The following SORCS2 variants were observed in gnomAD, a reference collection of about 807,000 sequenced individuals.
SORCS2 encodes the protein sortilin related VPS10 domain containing receptor 2.
SORCS2 carries 100 observed loss-of-function variants against 141.6 expected under a neutral mutation model. The observed-to-expected ratio is 0.71, with a 90% confidence interval of 0.60 to 0.83. SORCS2 has a LOEUF of 0.83. Among genes scored for constraint, SORCS2 ranks in the 40% least tolerant of loss-of-function variants. SORCS2 has a pLI of 0.00. For synonymous variants in SORCS2, 789 were observed against 676.9 expected (o/e 1.17, Z -2.57); for missense variants, 1,646 against 1,560.2 (o/e 1.05, Z -0.93).
Position 7,331,238 on chromosome 4 carries a change from G to A in SORCS2, c.481-65050G>A, listed in dbSNP as rs562317868. Among the ~76,000 whole-genome samples the A allele has an allele frequency of 1.9e-3, 290 of 152,244 alleles. 1 individual carries two copies. The highest frequency in any genetic ancestry group is 6.8e-3 in the Middle Eastern group (2 of 294). ...TGGGCTGGAGACTGCTGTGGGGCTC[G>A]GCATGCACCTCACGTGACCTGGGCC... On this transcript the variant is annotated intron_variant, in intron 1 of 26. Coordinates refer to ENST00000507866, the MANE Select transcript of SORCS2 (RefSeq NM_020777.3).
intron 1 of SORCS2, among the ~76,000 whole-genome samples, chr4:7,379,827 C>T (rs1164990302): frequency 3.9e-5 from 6 of 152,210 alleles, no homozygotes; most frequent in East Asian, 1.9e-4. Flanking sequence ...CTAGAAAACA[C>T]GCTGAAGGCA....
At position 7,697,180 on chromosome 4, in the gene SORCS2, C is replaced by A. The variant is rs748964647; in HGVS notation, c.1592-18C>A. On this transcript the variant is annotated intron_variant, in intron 11 of 26. Coordinates refer to ENST00000507866, the MANE Select transcript of SORCS2 (RefSeq NM_020777.3). The stretch of plus-strand genomic sequence containing the variant: ...GGACGATCCTAAGGGTAGTACTGCC[C>A]CTTTTCTTTTGGACCAGGTAACCTG... The A allele has an allele frequency of 7.7e-6, 12 of 1,565,148 alleles. 1 individual carries two copies. Among genetic ancestry groups the A allele is most frequent in the Non-Finnish European group, 9.5e-6 (11 of 1,154,052 alleles).
chr4:7,300,243 A>C (rs1039897852), intron 1 of SORCS2, among the ~76,000 whole-genome samples: 2 of 151,324 alleles, frequency 1.3e-5, no homozygotes, highest in South Asian at 2.1e-4. Flanking sequence ...CAGGAGTGAG[A>C]GGTCTGGAGG....
At chr4:7,499,840 C>T (rs748229921) in intron 2 of SORCS2, among the ~76,000 whole-genome samples, 12 of 152,152 alleles carry the variant, frequency 7.9e-5, no homozygotes, top group South Asian at 2.1e-4. Context: ...GGGACCGAGC[C>T]GGCACAGGTG....
intron 1 of SORCS2, among the ~76,000 whole-genome samples, chr4:7,237,429 C>T (rs1712366001): frequency 6.6e-6 from 1 of 152,174 alleles, no homozygotes; most frequent in African/African-American, 2.4e-5. Context: ...ACAGTGGCTC[C>T]TCCCAAGGGG....
intron 2 of SORCS2, among the ~76,000 whole-genome samples, chr4:7,462,810 A>T (rs1729391412): frequency 6.7e-6 from 1 of 150,254 alleles, no homozygotes; most frequent in Non-Finnish European, 1.5e-5. Flanking sequence ...TGTTGTGAGC[A>T]CTCACTATCT....
intron 2 of SORCS2, among the ~76,000 whole-genome samples, chr4:7,402,274 C>A (rs1248809731): frequency 6.6e-6 from 1 of 152,214 alleles, no homozygotes; most frequent in Admixed American, 6.5e-5. Context: ...CCTCACCACC[C>A]ACCTGGAAGT....
At chr4:7,437,459 G>C (rs747095562) in intron 2 of SORCS2, among the ~76,000 whole-genome samples, 11 of 152,072 alleles carry the variant, frequency 7.2e-5, no homozygotes, top group Non-Finnish European at 1.5e-4. Flanking sequence ...TTTTTCCAGA[G>C]TTTAATCTCC....
At chr4:7,489,254 C>T (rs1731176693) in intron 2 of SORCS2, among the ~76,000 whole-genome samples, 2 of 152,196 alleles carry the variant, frequency 1.3e-5, no homozygotes, top group African/African-American at 2.4e-5. Flanking sequence ...GAGTCATGTT[C>T]TCTGGGCTCT....
chr4:7,694,193 A>G (rs1724448175), intron 11 of SORCS2, among the ~76,000 whole-genome samples: 1 of 151,946 alleles, frequency 6.6e-6, no homozygotes, highest in South Asian at 2.1e-4. Flanking sequence ...GACTCCTACC[A>G]CTCTGCTGGC....
intron 1 of SORCS2, among the ~76,000 whole-genome samples, chr4:7,333,544 T>C (rs1719795534): frequency 6.6e-6 from 1 of 152,028 alleles, no homozygotes; most frequent in African/African-American, 2.4e-5. Flanking sequence ...AGTTTCAAGA[T>C]CGGGAGACTG....
Position 7,678,451 on chromosome 4 carries a change from G to T in SORCS2, c.1341+2222G>T, listed in dbSNP as rs78557019. Among the ~76,000 whole-genome samples, 1,276 of 149,330 alleles carry T rather than the reference G, an allele frequency of 8.5e-3. 20 individuals carry two copies. Among genetic ancestry groups the T allele is most frequent in the African/African-American group, 0.03 (1,196 of 40,512 alleles). ...CAACTCTGGAGCCTGACTGCCCGGG[G>T]TTCAGGTCCATGAACTGGTATGTAT... On this transcript the variant is annotated intron_variant, in intron 9 of 26. Coordinates refer to ENST00000507866, the MANE Select transcript of SORCS2 (RefSeq NM_020777.3).
intron 1 of SORCS2, among the ~76,000 whole-genome samples, chr4:7,357,837 T>C (rs1721345904): frequency 6.6e-6 from 1 of 152,166 alleles, no homozygotes; most frequent in African/African-American, 2.4e-5. Context: ...GCCTTGTGTT[T>C]GGCGTGGGTG....
Position 7,193,153 on chromosome 4 carries a change from G to A in SORCS2, c.480+27G>A, listed in dbSNP as rs1726951537. 1 of 1,492,836 alleles carries A rather than the reference G, an allele frequency of 6.7e-7. No homozygotes were observed. Among genetic ancestry groups the A allele is most frequent in the Non-Finnish European group, 8.9e-7 (1 of 1,129,122 alleles). The allele number at this position is 1,492,836 out of a possible 1,614,324, so 92.5% of individuals were successfully genotyped here. ...TAAGTGACCTCCACGCGCTCGCCGC[G>A]GCCCCTACCCGGGACACCGCGGGAC... On this transcript the variant is annotated intron_variant, in intron 1 of 26. Transcript: ENST00000507866. The surrounding 1 kb of genome is among the most constrained non-coding windows in gnomAD (Gnocchi z 4.8).
chr4:7,434,509 C>T, intron 2 of SORCS2: 1 of 1,612,716 alleles, frequency 6.2e-7, no homozygotes, highest in South Asian at 1.1e-5. Context: ...GTCCGGGGCC[C>T]CACGGAGCAT....
intron 2 of SORCS2, among the ~76,000 whole-genome samples, chr4:7,428,638 C>T (rs1429431991): frequency 6.6e-6 from 1 of 152,160 alleles, no homozygotes; most frequent in South Asian, 2.1e-4. Flanking sequence ...AGGAGCATGT[C>T]TAGGGCCAAA....
intron 1 of SORCS2, among the ~76,000 whole-genome samples, chr4:7,202,076 G>C (rs1419742373): frequency 6.6e-6 from 1 of 150,530 alleles, no homozygotes; most frequent in Non-Finnish European, 1.5e-5. Flanking sequence ...TGGGGGTGGG[G>C]AATGCCCTGT....
intron 1 of SORCS2, among the ~76,000 whole-genome samples, chr4:7,252,165 T>C (rs1713548649): frequency 1.3e-5 from 2 of 152,180 alleles, no homozygotes; most frequent in Admixed American, 1.3e-4. Flanking sequence ...ACCTGGCATC[T>C]GGGGGGCCTC....
chr4:7,408,385 A>G (rs1577513250), intron 2 of SORCS2, among the ~76,000 whole-genome samples: 3 of 117,112 alleles, frequency 2.6e-5, no homozygotes, highest in African/African-American at 2.7e-5. Flanking sequence ...CTTGGATGAC[A>G]GTTTTTTTTT....
Sources: allele counts gnomAD v4.1 joint callset (sites outside exome capture counted in the v4.1 genomes callset), GRCh38; gene constraint gnomAD v4.1.1; non-coding constraint Gnocchi (gnomAD v3.1); transcripts MANE v1.5; gene names NCBI Gene and HGNC (gene_info 2026-07-23, HGNC 2026-07-21).